Variants in SERBP1 observed in about 807,000 individuals in gnomAD.
SERBP1 encodes SERPINE1 mRNA binding protein 1, also known as SERPINE1 mRNA-binding protein 1.
A neutral mutation model predicts 50.2 loss-of-function variants in SERBP1; 6 were observed. The ratio of observed to expected loss-of-function variants is 0.12; its 90% confidence interval spans 0.07 to 0.24. The LOEUF is 0.24. SERBP1 is among the 10% of genes least tolerant of loss of function. The probability of loss-of-function intolerance (pLI) is 1.00; values close to 1 mark genes in which losing one functional copy is unlikely to be tolerated. For synonymous variants in SERBP1, 168 were observed against 182.8 expected, an observed-to-expected ratio of 0.92 and a Z score of 0.65; for missense variants, 346 against 524.9, an observed-to-expected ratio of 0.66 and a Z score of 3.33.
Position 67,412,680 on chromosome 1 carries a change from AATAC to A in SERBP1, c.*523_*526del, listed in dbSNP as rs1666880877. On this transcript the variant is annotated 3_prime_UTR_variant, in exon 8 of 8. Coordinates refer to ENST00000361219, the MANE Select transcript of SERBP1 (RefSeq NM_001018069.2). ...AATGAAAATATTAAAACTAAGTTAA[AATAC>A]ATATAGTTAGTATTCCACACAGCAT... 1 of 152,724 alleles carries A rather than the reference AATAC, an allele frequency of 6.5e-6. No homozygotes were observed. Among genetic ancestry groups the A allele is most frequent in the Admixed American group, 6.5e-5 (1 of 15,282 alleles). 9.5% of individuals were successfully genotyped at this position (152,724 alleles called of 1,614,324 possible).
At chr1:67,421,285 G>T (rs1179339448) in intron 5 of SERBP1, among the ~76,000 whole-genome samples, 1 of 152,138 alleles carries the variant, frequency 6.6e-6, no homozygotes, top group Non-Finnish European at 1.5e-5. Context: ...ACACAGCCAG[G>T]AATAGAACTT....
Position 67,415,332 on chromosome 1 carries a change from G to C in SERBP1, c.959C>G (p.Ala320Gly). The C allele has an allele frequency of 6.3e-7, 1 of 1,578,512 alleles. No homozygotes were observed. Among genetic ancestry groups the C allele is most frequent in the South Asian group, 1.2e-5 (1 of 84,990 alleles). ...LHKSKSEEAHAEDSVMDHHFR... is the reference protein window; with the variant it reads ...LHKSKSEEAHGEDSVMDHHFR... ...ATGATGGTCCATAACCGAATCTTCAGCATGAGCCTAAAAATATAAGTGAAG... is the reference window on the plus strand; with the variant it reads ...ATGATGGTCCATAACCGAATCTTCACCATGAGCCTAAAAATATAAGTGAAG... Residue 320 changes from alanine (A) to glycine (G), a missense_variant, in exon 7 of 8, where the codon GCT (alanine) becomes GGT (glycine). By Grantham distance (60) the Ala-to-Gly change is moderately conservative. Around this residue, in one of 5 missense-constraint regions of SERBP1, gnomAD observed 68 missense variants for 97.3 expected, o/e 0.70. Transcript: ENST00000361219.
At chr1:67,422,234 T>A (rs1211655583) in intron 5 of SERBP1, among the ~76,000 whole-genome samples, 5 of 152,040 alleles carry the variant, frequency 3.3e-5, no homozygotes, top group Admixed American at 6.6e-5. Flanking sequence ...AGAAAAAGTT[T>A]AAGGTGCGGC....
chr1:67,413,669 CCTA>C (rs1267373432), intron 7 of SERBP1, among the ~76,000 whole-genome samples: 1 of 148,512 alleles, frequency 6.7e-6, no homozygotes, highest in African/African-American at 2.5e-5. Context: ...AAAAAAAAAT[CCTA>C]CTGTTAAAAT....
intron 7 of SERBP1, among the ~76,000 whole-genome samples, chr1:67,414,399 A>G (rs919075744): frequency 6.6e-5 from 10 of 152,230 alleles, no homozygotes; most frequent in African/African-American, 1.2e-4. Context: ...AGGGAGGAAC[A>G]AAGTATCATT....
intron 7 of SERBP1, among the ~76,000 whole-genome samples, chr1:67,414,673 G>GA (rs1666947327): frequency 6.6e-6 from 1 of 152,168 alleles, no homozygotes; most frequent in Non-Finnish European, 1.5e-5. Context: ...TCTCACAGAA[G>GA]AGTCTAGTAA....
Position 67,413,019 on chromosome 1 carries a change from A to G in SERBP1, c.*188T>C, listed in dbSNP as rs879090101. 40 of 682,608 alleles carry G rather than the reference A, an allele frequency of 5.9e-5. 1 individual carries two copies. The highest frequency in any genetic ancestry group is 8.2e-5 in the Non-Finnish European group (35 of 429,124). 42.3% of individuals were successfully genotyped at this position (682,608 alleles called of 1,614,324 possible). Reference sequence around the variant, plus strand: ...ATTTCTAAATACAAAACTGACTACCATATTTGTTACTTCTGTGTAGCGGGA... The same window carrying G: ...ATTTCTAAATACAAAACTGACTACCGTATTTGTTACTTCTGTGTAGCGGGA... On this transcript the variant is annotated 3_prime_UTR_variant, in exon 8 of 8. Coordinates refer to ENST00000361219, the MANE Select transcript of SERBP1 (RefSeq NM_001018069.2).
At chr1:67,416,574 G>T (rs910038446) in intron 6 of SERBP1, among the ~76,000 whole-genome samples, 7 of 152,138 alleles carry the variant, frequency 4.6e-5, no homozygotes, top group African/African-American at 1.7e-4. Context: ...AAGGGATAAA[G>T]AACATTTTGT....
Position 67,411,128 on chromosome 1 carries a change from T to G in SERBP1, c.*2079A>C, listed in dbSNP as rs1382808997. On this transcript the variant is annotated 3_prime_UTR_variant, in exon 8 of 8. Coordinates refer to ENST00000361219, the MANE Select transcript of SERBP1 (RefSeq NM_001018069.2). ...AAGTTAGGTTCACAGTTTTAGCTCTTGACACAAAGTGAACTAGGAGGCAAA... is the reference window on the plus strand; with the variant it reads ...AAGTTAGGTTCACAGTTTTAGCTCTGGACACAAAGTGAACTAGGAGGCAAA... The G allele has an allele frequency of 6.6e-6, 1 of 152,120 alleles. No homozygotes were observed. The highest frequency in any genetic ancestry group is 2.4e-5 in the African/African-American group (1 of 41,434). 9.4% of individuals were successfully genotyped at this position (152,120 alleles called of 1,614,324 possible).
chr1:67,415,418 T>A, intron 6 of SERBP1, 79 bp from the exon 7 acceptor site: 1 of 1,386,808 alleles, frequency 7.2e-7, no homozygotes, highest in Non-Finnish European at 9.6e-7. Context: ...AGCTTTCTTC[T>A]AAAAAAAACC....
At chr1:67,413,648 CAAA>C (rs576070396) in intron 7 of SERBP1, among the ~76,000 whole-genome samples, 8 of 66,128 alleles carry the variant, frequency 1.2e-4, no homozygotes, top group Admixed American at 1.7e-4. Context: ...GACTCCATCT[CAAA>C]AAAAAAAAAA....
rs199522900 is a variant in SERBP1 at position 67,430,262 on chromosome 1, G to A, written c.39C>T (p.Val13=). ...GHLQEGFGCV[V]TNRFDQLFDD... is the part of the protein sequence containing the mutation. ...CAAATAACTGGTCGAATCGGTTGGT[G>A]ACCACGCAGCCGAAGCCTTCCTGTA... Residue 13 remains valine (V), a synonymous_variant, in exon 1 of 8, where the codon GTC becomes GTT. Coordinates refer to ENST00000361219, the MANE Select transcript of SERBP1 (RefSeq NM_001018069.2). The A allele has an allele frequency of 1.8e-5, 28 of 1,566,526 alleles. No homozygotes were observed. In the Admixed American group the frequency reaches 5.4e-4, roughly 30 times the overall value.
chr1:67,420,080 G>A lies in SERBP1; in HGVS notation c.880C>T (p.Arg294Ter). The change falls in exon 6 of 8, where the codon CGA (arginine) becomes TGA (stop). Residue 294 changes from arginine (R) to a stop codon, truncating the protein, a stop_gained. Transcript: ENST00000361219. LOFTEE classifies it high-confidence loss of function. The stretch of plus-strand genomic sequence containing the variant: ...CCATCAGCACCTTCATTTGGTTTTC[G>A]GATATTAAATTCTACTTTTGCCCGG... The part of the protein sequence containing the change: ...KDRAKVEFNI[R>*]KPNEGADGQW... 6.2e-7 allele frequency: 1 copy of A among 1,613,396 alleles called. No individual in the cohort carries two copies. The highest frequency in any genetic ancestry group is 1.1e-5 in the South Asian group (1 of 91,046).
chr1:67,415,184 A>G lies in SERBP1; in HGVS notation c.1107T>C (p.Arg369=), dbSNP rs1336822911. Residue 369 remains arginine, a synonymous_variant, in exon 7 of 8, where the codon CGT becomes CGC. Transcript: ENST00000361219. ...GGRGRGGRPN[R]GSRTDKSSAS... ...AAATTACCTTGTCGGTCCTGCTGCC[A>G]CGGTTTGGGCGCCCACCACGCCCAC... The G allele has an allele frequency of 6.3e-7, 1 of 1,595,154 alleles. No individual in the cohort carries two copies. Among genetic ancestry groups the G allele is most frequent in the Non-Finnish European group, 8.5e-7 (1 of 1,173,622 alleles).
chr1:67,424,090 C>A, intron 5 of SERBP1, 110 bp downstream of exon 5: 1 of 1,176,868 alleles, frequency 8.5e-7, no homozygotes, highest in South Asian at 1.9e-5. Context: ...TCTCCCTTGT[C>A]AAAAACAAAA....
intron 1 of SERBP1, among the ~76,000 whole-genome samples, chr1:67,426,764 T>G (rs1453090717): frequency 6.6e-6 from 1 of 152,064 alleles, no homozygotes; most frequent in Non-Finnish European, 1.5e-5. Context: ...TCACTAGATA[T>G]GGCCCCTCAC....
rs1227971533 is a variant in SERBP1, at chr1:67,416,549, G to GA, written c.952-1211dup. On this transcript the variant is annotated intron_variant, in intron 6 of 7. Coordinates refer to ENST00000361219, the MANE Select transcript of SERBP1 (RefSeq NM_001018069.2). ...TCCTCTTTTCCTAAATACATCTAAG[G>GA]AATCTTCTTTTCTAAAGGGATAAAG... Among the ~76,000 whole-genome samples the GA allele has an allele frequency of 3.3e-5, 5 of 152,238 alleles. No individual in the cohort carries two copies. The Middle Eastern group carries it at 0.01, about 311-fold the overall frequency.
rs1666817484 is a variant in SERBP1, at chr1:67,410,948, A to T, written c.*2259T>A. ...AAATAAAAACCCCATATAAAATTCA[A>T]TTTAAAAATTATAAACACACAGGGG... On this transcript the variant is annotated 3_prime_UTR_variant, in exon 8 of 8. Coordinates refer to ENST00000361219, the MANE Select transcript of SERBP1 (RefSeq NM_001018069.2). 3 of 152,330 alleles carry T rather than the reference A, an allele frequency of 2.0e-5. No homozygotes were observed. The South Asian group carries it at 6.2e-4, about 32-fold the overall frequency. The allele number at this position is 152,330 out of a possible 1,614,324, so 9.4% of individuals were successfully genotyped here.
intron 1 of SERBP1, among the ~76,000 whole-genome samples, chr1:67,428,614 T>C (rs540821369): frequency 3.1e-4 from 47 of 152,284 alleles, no homozygotes; most frequent in Middle Eastern, 3.4e-3. Context: ...GTGATATACA[T>C]GCTTTCTAAT....
Sources: allele counts gnomAD v4.1 joint callset (sites outside exome capture counted in the v4.1 genomes callset), GRCh38; gene constraint gnomAD v4.1.1; regional missense constraint gnomAD v4.1.1; transcripts MANE v1.5; gene names NCBI Gene and HGNC (gene_info 2026-07-23, HGNC 2026-07-21).